PACRG: variants seen among roughly 807,000 people sequenced by gnomAD.
The protein encoded by PACRG is parkin coregulated gene protein.
Under a neutral mutation model 29.7 loss-of-function variants are expected in PACRG, and 29 were observed. The ratio of observed to expected loss-of-function variants is 0.98; its 90% confidence interval spans 0.73 to 1.33. The LOEUF is 1.33. PACRG is among the 40% of genes most tolerant of loss of function. The probability of loss-of-function intolerance (pLI) is 0.00; values close to 1 mark genes in which losing one functional copy is unlikely to be tolerated. For synonymous variants in PACRG, 116 were observed against 118.7 expected (o/e 0.98, Z 0.15); for missense variants, 279 against 316.2 (o/e 0.88, Z 0.89).
intron 4 of PACRG, among the ~76,000 whole-genome samples, chr6:163,188,064 G>C (rs796856192): frequency 4.6e-5 from 7 of 152,268 alleles, no homozygotes; most frequent in African/African-American, 1.7e-4. Flanking sequence ...AATTCTACTT[G>C]TTGAGCTATG....
chr6:162,896,986 G>C (rs777393677), intron 2 of PACRG, among the ~76,000 whole-genome samples: 10 of 152,158 alleles, frequency 6.6e-5, no homozygotes, highest in Admixed American at 5.2e-4. Flanking sequence ...TGAATTTCTT[G>C]CTTCCTTGAC....
chr6:162,816,542 C>G (rs1040663210), intron 2 of PACRG, among the ~76,000 whole-genome samples: 4 of 152,042 alleles, frequency 2.6e-5, no homozygotes, highest in Admixed American at 2.6e-4. Context: ...TTAGTAGAGA[C>G]GGGGTTTCAC....
intron 2 of PACRG, among the ~76,000 whole-genome samples, chr6:162,931,832 T>G (rs572721719): frequency 6.6e-6 from 1 of 151,992 alleles, no homozygotes; most frequent in Non-Finnish European, 1.5e-5. Context: ...GTACAACCAA[T>G]TTAGAGAACA....
At chr6:163,089,606 C>G (rs1315491390) in intron 4 of PACRG, among the ~76,000 whole-genome samples, 198 bp downstream of exon 4, 1 of 152,228 alleles carries the variant, frequency 6.6e-6, no homozygotes, top group African/African-American at 2.4e-5. Context: ...TCATTTATTA[C>G]TCCTCAGGTA....
chr6:162,990,188 G>T (rs1044301079), intron 2 of PACRG, among the ~76,000 whole-genome samples: 1 of 151,374 alleles, frequency 6.6e-6, no homozygotes, highest in Non-Finnish European at 1.5e-5. Flanking sequence ...GAATAATGCT[G>T]CAATAAACAT....
In PACRG at chr6:163,311,616, CA is replaced by C. The variant is rs1280235829; in HGVS notation, c.614-3210del. Among the ~76,000 whole-genome samples, 4 of 152,302 alleles carry C rather than the reference CA, an allele frequency of 2.6e-5. No individual in the cohort carries two copies. In the East Asian group the frequency reaches 7.7e-4, roughly 29 times the overall value. On this transcript the variant is annotated intron_variant, in intron 4 of 4. Transcript: ENST00000366888. ...AAACCGTGCAGGGTCATTGTTTCAG[CA>C]TGAAAAGTAAAGGAGGTGTTCCTTT...
chr6:163,286,707 C>T (rs1438980882), intron 4 of PACRG, among the ~76,000 whole-genome samples: 2 of 152,186 alleles, frequency 1.3e-5, no homozygotes, highest in Non-Finnish European at 2.9e-5. Context: ...TACTGAGTTC[C>T]ATATCGTCCC....
intron 2 of PACRG, among the ~76,000 whole-genome samples, chr6:163,030,299 TTA>T (rs988957753): frequency 1.1e-4 from 17 of 152,284 alleles, no homozygotes; most frequent in African/African-American, 4.1e-4. Context: ...GCATACCTTT[TTA>T]TATGAGAAAT....
At chr6:163,119,176 A>G (rs1263427012) in intron 4 of PACRG, among the ~76,000 whole-genome samples, 1 of 152,232 alleles carries the variant, frequency 6.6e-6, no homozygotes, top group African/African-American at 2.4e-5. Flanking sequence ...TGCGAGGGCC[A>G]CAGAGGGGAC....
At chr6:163,062,379 T>C in intron 3 of PACRG, 58 bp downstream of exon 3, 1 of 1,507,870 alleles carries the variant, frequency 6.6e-7, no homozygotes, top group Non-Finnish European at 8.9e-7. Context: ...TTTTGACAAC[T>C]TGCTAATTAA....
At chr6:163,168,320 A>T in intron 4 of PACRG, among the ~76,000 whole-genome samples, 1 of 152,178 alleles carries the variant, frequency 6.6e-6, no homozygotes, top group African/African-American at 2.4e-5. Flanking sequence ...AAATACAAAG[A>T]TTAGCTGGGC....
Position 163,089,374 on chromosome 6 carries a change from C to T in PACRG, c.579C>T (p.Ile193=), listed in dbSNP as rs1370139049. ...GKALVPYYRQ[I]LPVLNIFKNM... is the part of the protein sequence containing the mutation. ...CCTTGGTGCCTTATTACCGTCAAAT[C>T]CTCCCTGTCCTGAACATCTTTAAGA... The change falls in exon 4 of 5, where the codon ATC becomes ATT. Residue 193 remains isoleucine (I), a synonymous_variant. Coordinates refer to ENST00000366888, the MANE Select transcript of PACRG (RefSeq NM_001080379.2). 1.9e-6 allele frequency: 3 copies of T among 1,614,024 alleles called. No homozygotes were observed. Among genetic ancestry groups the T allele is most frequent in the Non-Finnish European group, 2.5e-6 (3 of 1,180,010 alleles).
chr6:162,924,729 A>T (rs1797306605), intron 2 of PACRG, among the ~76,000 whole-genome samples: 1 of 152,076 alleles, frequency 6.6e-6, no homozygotes, highest in African/African-American at 2.4e-5. Context: ...TTGCAAATCG[A>T]TACCCTAACA....
At chr6:163,281,110 G>A (rs1305869909) in intron 4 of PACRG, among the ~76,000 whole-genome samples, 1 of 152,076 alleles carries the variant, frequency 6.6e-6, no homozygotes. Context: ...GCCAGTGCAA[G>A]CACAAGTGGG....
intron 1 of PACRG, among the ~76,000 whole-genome samples, chr6:162,774,095 G>A (rs771529003): frequency 6.6e-6 from 1 of 152,156 alleles, no homozygotes; most frequent in African/African-American, 2.4e-5. Flanking sequence ...TTACATGCAC[G>A]TGGTAGATAT....
chr6:162,772,670 A>C (rs549501157), intron 1 of PACRG, among the ~76,000 whole-genome samples: 74 of 152,294 alleles, frequency 4.9e-4, no homozygotes, highest in African/African-American at 1.6e-3. Context: ...GTGAATGATG[A>C]GGAGTTTTGT....
At chr6:162,839,808 A>C (rs1179155751) in intron 2 of PACRG, among the ~76,000 whole-genome samples, 1 of 151,786 alleles carries the variant, frequency 6.6e-6, no homozygotes, top group Non-Finnish European at 1.5e-5. Flanking sequence ...AGCTTTCTAC[A>C]TATGGCTAGC....
At chr6:162,843,110 C>A (rs1298868567) in intron 2 of PACRG, among the ~76,000 whole-genome samples, 1 of 147,380 alleles carries the variant, frequency 6.8e-6, no homozygotes, top group African/African-American at 2.5e-5. Context: ...ATCTTTGTGG[C>A]GTTCTCTGTA....
rs535715263 is a variant in PACRG at position 162,818,559 on chromosome 6, C to T, written c.291+4278C>T. On this transcript the variant is annotated intron_variant, in intron 2 of 4. Coordinates refer to ENST00000366888, the MANE Select transcript of PACRG (RefSeq NM_001080379.2). ...GAAACGGTCTCTTCAATAGAGACCT[C>T]GAGAGAAAGAGATGAAGATAAATAC... Among the ~76,000 whole-genome samples, 199 of 152,064 alleles carry T rather than the reference C, an allele frequency of 1.3e-3. 3 individuals are homozygous for T. Among genetic ancestry groups the T allele is most frequent in the African/African-American group, 4.5e-3 (188 of 41,456 alleles).
Sources: gnomAD v4.1 joint callset for allele counts (sites outside exome capture counted in the v4.1 genomes callset) on GRCh38, gnomAD v4.1.1 for gene constraint, MANE v1.5 for transcripts, NCBI Gene and HGNC (gene_info 2026-07-23, HGNC 2026-07-21) for gene names.